Variants in GSS observed in about 807,000 individuals in gnomAD.
GSS encodes glutathione synthetase.
A neutral mutation model predicts 60.4 loss-of-function variants in GSS; 34 were observed. That is an observed-to-expected ratio of 0.56 (90% CI 0.43 to 0.75). The LOEUF is 0.75. GSS is among the 30% of genes least tolerant of loss of function. The pLI is 0.00. For missense variants in GSS, 499 were observed against 595.1 expected (o/e 0.84, Z 1.68); for synonymous variants, 224 against 239.0 (o/e 0.94, Z 0.58).
rs531425565 is a variant in GSS, at chr20:34,945,960, G to C, written c.268C>G (p.Leu90Val). 3.1e-6 allele frequency: 5 copies of C among 1,614,110 alleles called. No homozygotes were observed. In the East Asian group the frequency reaches 1.1e-4, roughly 36 times the overall value. ...SQNAAFLEQT[L>V]SSTIKQDDFT... ...TGCTTCACTGTCCCCTACCTGGAAA[G>C]AGTTTGCTCCAGGAAGGCAGCGTTC... Residue 90 changes from leucine to valine, a missense_variant, in exon 3 of 13, where the codon CTT becomes GTT. Leu to Val is a conservative substitution (Grantham distance 32). Coordinates refer to ENST00000651619, the MANE Select transcript of GSS (RefSeq NM_000178.4).
chr20:34,928,593 T>G lies in GSS; in HGVS notation c.*235A>C, dbSNP rs1600375000. 3.4e-6 allele frequency: 2 copies of G among 590,418 alleles called. No individual in the cohort carries two copies. Among genetic ancestry groups the G allele is most frequent in the Admixed American group, 5.5e-5 (2 of 36,432 alleles). The allele number at this position is 590,418 out of a possible 1,614,324, so 36.6% of individuals were successfully genotyped here. On this transcript the variant is annotated 3_prime_UTR_variant, in exon 13 of 13. Coordinates refer to ENST00000651619, the MANE Select transcript of GSS (RefSeq NM_000178.4). ...GGAGTGGGGCAGGGTTCATGGACCTTTACCTCAGAGCAGCTTACCCTGAGC... is the reference window on the plus strand; with the variant it reads ...GGAGTGGGGCAGGGTTCATGGACCTGTACCTCAGAGCAGCTTACCCTGAGC...
chr20:34,942,981 C>A lies in GSS; in HGVS notation c.301G>T (p.Ala101Ser). Reference protein sequence around the residue: ...SSTIKQDDFTARLFDIHKQVL... With the variant: ...SSTIKQDDFTSRLFDIHKQVL... Reference sequence around the variant, plus strand: ...TGCTTGTGGATGTCAAAGAGACGAGCGGTAAAGTCATCCTGTTTGATGGTG... The same window carrying A: ...TGCTTGTGGATGTCAAAGAGACGAGAGGTAAAGTCATCCTGTTTGATGGTG... The change falls in exon 4 of 13, where the codon GCT becomes TCT. Residue 101 changes from alanine (A) to serine (S), a missense_variant. Ala to Ser is a moderately conservative substitution (Grantham distance 99). Transcript: ENST00000651619. 3 of 1,611,786 alleles carry A rather than the reference C, an allele frequency of 1.9e-6. No homozygotes were observed. The highest frequency in any genetic ancestry group is 2.5e-6 in the Non-Finnish European group (3 of 1,178,558).
chr20:34,944,027 G>C (rs1026507653), intron 3 of GSS, among the ~76,000 whole-genome samples: 1 of 152,178 alleles, frequency 6.6e-6, no homozygotes, highest in African/African-American at 2.4e-5. Flanking sequence ...AGACCAGTGG[G>C]GGGAAGCCAA....
chr20:34,943,946 C>T (rs896003005), intron 3 of GSS, among the ~76,000 whole-genome samples: 5 of 152,186 alleles, frequency 3.3e-5, no homozygotes, highest in Admixed American at 1.3e-4. Flanking sequence ...CACTTACTGC[C>T]CTTTGAGATT....
Position 34,937,025 on chromosome 20 carries a change from TG to T in GSS, c.609-3del. 6.2e-7 allele frequency: 1 copy of T among 1,611,932 alleles called. No homozygotes were observed. The highest frequency in any genetic ancestry group is 8.5e-7 in the Non-Finnish European group (1 of 1,178,412). ...TGAGCAATCAGTAGCACCAGAGCACTGGGGAAAGAGCACAGGTGGCCCGAGG... is the reference window on the plus strand; with the variant it reads ...TGAGCAATCAGTAGCACCAGAGCACTGGGAAAGAGCACAGGTGGCCCGAGG... On this transcript the variant is annotated splice_region_variant and splice_polypyrimidine_tract_variant and intron_variant, in intron 6 of 12. Transcript: ENST00000651619.
At chr20:34,929,906 C>G (rs1404475463) in intron 11 of GSS, among the ~76,000 whole-genome samples, 1 of 152,188 alleles carries the variant, frequency 6.6e-6, no homozygotes, top group Non-Finnish European at 1.5e-5. Context: ...CACGCTTGCT[C>G]TCTCCCCCAT....
intron 3 of GSS, among the ~76,000 whole-genome samples, chr20:34,945,383 G>GAA (rs11453665): frequency 7.9e-4 from 112 of 141,458 alleles, no homozygotes; most frequent in Middle Eastern, 3.6e-3. Context: ...AGAATCTGAA[G>GAA]AAAAAAAAAA....
chr20:34,928,960 A>G lies in GSS; in HGVS notation c.1302-9T>C, dbSNP rs1403233356. 6.2e-7 allele frequency: 1 copy of G among 1,612,836 alleles called. No individual in the cohort carries two copies. On this transcript the variant is annotated splice_polypyrimidine_tract_variant and intron_variant, in intron 12 of 12. Coordinates refer to ENST00000651619, the MANE Select transcript of GSS (RefSeq NM_000178.4). ...CGAGTGTCTTTTCCTGCCTATAGAA[A>G]TGGAGGCAGGGGACACACATCACCT... is the stretch of plus-strand genomic sequence containing the variant.
intron 6 of GSS, among the ~76,000 whole-genome samples, chr20:34,938,150 G>A (rs537678093): frequency 1.3e-5 from 2 of 152,252 alleles, no homozygotes; most frequent in South Asian, 2.1e-4. Context: ...GAGCCACTGC[G>A]CTCAGCCTCC....
At chr20:34,936,369 C>A (rs138168682) in intron 8 of GSS, among the ~76,000 whole-genome samples, 1 of 152,276 alleles carries the variant, frequency 6.6e-6, no homozygotes, top group East Asian at 1.9e-4. Flanking sequence ...TAAGGCTTGG[C>A]TTGGAACACA....
chr20:34,937,590 A>G (rs1447117811), intron 6 of GSS, among the ~76,000 whole-genome samples: 1 of 152,204 alleles, frequency 6.6e-6, no homozygotes, highest in African/African-American at 2.4e-5. Flanking sequence ...GGGCCCTCCC[A>G]AGATTCCTAT....
At chr20:34,930,641 G>GTT (rs1486286151) in intron 11 of GSS, among the ~76,000 whole-genome samples, 1 of 152,174 alleles carries the variant, frequency 6.6e-6, no homozygotes, top group African/African-American at 2.4e-5. Flanking sequence ...AGTTTTGCAA[G>GTT]TTCCCACCAC....
chr20:34,933,250 T>C (rs1387591686), intron 9 of GSS, among the ~76,000 whole-genome samples: 2 of 152,224 alleles, frequency 1.3e-5, no homozygotes, highest in Non-Finnish European at 2.9e-5. Context: ...CTCCAGTGTC[T>C]AACACAGTTC....
intron 12 of GSS, 167 bp from the exon 13 acceptor site, chr20:34,929,118 C>CAA (rs2081377659): frequency 2.4e-6 from 2 of 836,428 alleles, no homozygotes. Flanking sequence ...CCTAGGTTGT[C>CAA]AAACCATGTG....
intron 10 of GSS, 80 bp from the exon 11 acceptor site, chr20:34,931,497 G>T: frequency 1.8e-6 from 2 of 1,115,972 alleles, no homozygotes; most frequent in Non-Finnish European, 2.7e-6. Context: ...GTTATGCAGA[G>T]CAGCATCAGA....
chr20:34,951,727 C>G lies in GSS; in HGVS notation c.126G>C (p.Ser42=). ...LLRTSQEPTS[S]EVVSYAPFTL... is the part of the protein sequence containing the mutation. ...TGGGGAGGAGCTAGGGGCTTACCTC[C>G]GAGGAAGTGGGCTCCTGTGAGGTCC... The change falls in exon 2 of 13, where the codon TCG becomes TCC. Residue 42 remains serine, a synonymous_variant. Transcript: ENST00000651619. The G allele has an allele frequency of 6.2e-7, 1 of 1,605,500 alleles. No homozygotes were observed. Among genetic ancestry groups the G allele is most frequent in the East Asian group, 2.2e-5 (1 of 44,626 alleles).
At chr20:34,946,388 T>G (rs2147132500) in intron 2 of GSS, among the ~76,000 whole-genome samples, 1 of 152,330 alleles carries the variant, frequency 6.6e-6, no homozygotes, top group South Asian at 2.1e-4. Context: ...AGGTACTATT[T>G]TAAATACTTT....
intron 2 of GSS, chr20:34,949,910 G>T (rs746413610): frequency 6.6e-6 from 1 of 152,024 alleles, no homozygotes; most frequent in Non-Finnish European, 1.5e-5. Flanking sequence ...AGAGGCTAGG[G>T]CTCTGGCTGA....
At chr20:34,940,005 CA>C (rs2081470391) in intron 6 of GSS, among the ~76,000 whole-genome samples, 1 of 152,120 alleles carries the variant, frequency 6.6e-6, no homozygotes, top group South Asian at 2.1e-4. Context: ...TAATGATCCA[CA>C]CAGATTTTTA....
Sources: allele counts gnomAD v4.1 joint callset (sites outside exome capture counted in the v4.1 genomes callset), GRCh38; gene constraint gnomAD v4.1.1; transcripts MANE v1.5; gene names NCBI Gene and HGNC (gene_info 2026-07-23, HGNC 2026-07-21).